RB1: variants seen among roughly 807,000 people sequenced by gnomAD.
The protein encoded by RB1 is retinoblastoma-associated protein.
A neutral mutation model predicts 135.4 loss-of-function variants in RB1; 18 were observed. The ratio of observed to expected loss-of-function variants is 0.13; its 90% CI spans 0.09 to 0.20. RB1 has a LOEUF of 0.20. Ranked by LOEUF, RB1 falls within the 10% of genes least tolerant of loss-of-function variation. The pLI is 1.00. For synonymous variants in RB1, 365 were observed against 373.2 expected, an observed-to-expected ratio of 0.98 and a Z score of 0.25; for missense variants, 868 against 1,110.0, an observed-to-expected ratio of 0.78 and a Z score of 3.10.
chr13:48,350,769 C>T (rs1487222555), intron 6 of RB1, among the ~76,000 whole-genome samples: 1 of 152,028 alleles, frequency 6.6e-6, no homozygotes, highest in Non-Finnish European at 1.5e-5. Context: ...CCTGTTGTTT[C>T]CATCTTTGTG....
At chr13:48,433,524 G>A (rs1156741646) in intron 17 of RB1, among the ~76,000 whole-genome samples, 2 of 152,004 alleles carry the variant, frequency 1.3e-5, no homozygotes, top group East Asian at 1.9e-4. Context: ...GAGAATTTCT[G>A]CCACTAAATA....
chr13:48,353,747 G>A (rs1314201569), intron 6 of RB1, among the ~76,000 whole-genome samples: 1 of 152,062 alleles, frequency 6.6e-6, no homozygotes, highest in African/African-American at 2.4e-5. Flanking sequence ...CATTCATTAT[G>A]TCGCAGTGGG....
intron 7 of RB1, among the ~76,000 whole-genome samples, chr13:48,361,025 A>G (rs999403803): frequency 6.6e-6 from 1 of 152,122 alleles, no homozygotes; most frequent in Non-Finnish European, 1.5e-5. Flanking sequence ...TGTGTTGAAC[A>G]TGGTTTGGCA....
chr13:48,395,797 G>GAA (rs1372876492), intron 17 of RB1, among the ~76,000 whole-genome samples: 1 of 152,094 alleles, frequency 6.6e-6, no homozygotes, highest in Non-Finnish European at 1.5e-5. Flanking sequence ...AACCAAGTTA[G>GAA]AAAACACTCT....
In RB1 at chr13:48,481,005, A is replaced by G. The variant is rs1949535338; in HGVS notation, c.*934A>G. ...AAGAATTAAGATACAAATTAATTTT[A>G]CTCCATAAACAGACTGTTAATTATA... is the stretch of plus-strand genomic sequence containing the variant. On this transcript the variant is annotated 3_prime_UTR_variant, in exon 27 of 27. Transcript: ENST00000267163. 4.4e-6 allele frequency: 1 copy of G among 228,860 alleles called. No homozygotes were observed. The highest frequency in any genetic ancestry group is 2.2e-5 in the African/African-American group (1 of 45,146). The allele number at this position is 228,860 out of a possible 1,614,324, so 14.2% of individuals were successfully genotyped here.
At chr13:48,444,120 C>G (rs953826392) in intron 17 of RB1, among the ~76,000 whole-genome samples, 1 of 152,124 alleles carries the variant, frequency 6.6e-6, no homozygotes, top group African/African-American at 2.4e-5. Flanking sequence ...CCTCATACCC[C>G]CAGACACCAT....
intron 17 of RB1, chr13:48,404,115 G>A (rs918787163): frequency 6.6e-6 from 1 of 152,226 alleles, no homozygotes; most frequent in Non-Finnish European, 1.5e-5. Flanking sequence ...GCCCCATGCT[G>A]TTGTGCAGTG....
intron 1 of RB1, among the ~76,000 whole-genome samples, chr13:48,305,147 G>C (rs1446568307): frequency 6.6e-6 from 1 of 152,170 alleles, no homozygotes; most frequent in South Asian, 2.1e-4. Flanking sequence ...AATGGGACTT[G>C]TTTCTGTTTT....
At chr13:48,320,788 C>G (rs2854350) in intron 2 of RB1, among the ~76,000 whole-genome samples, 140,997 of 151,490 alleles carry the variant, frequency 0.93, 66,089 homozygotes, top group East Asian at 1. Flanking sequence ...CTGAGATCGC[C>G]CCACTGCTCT....
At chr13:48,321,314 C>T (rs982567417) in intron 2 of RB1, among the ~76,000 whole-genome samples, 1 of 145,850 alleles carries the variant, frequency 6.9e-6, no homozygotes, top group African/African-American at 2.5e-5. Flanking sequence ...GCTTATTTCA[C>T]TTAGCATAAT....
At chr13:48,382,775 G>T (rs371275311) in intron 17 of RB1, among the ~76,000 whole-genome samples, 3 of 152,144 alleles carry the variant, frequency 2.0e-5, no homozygotes, top group East Asian at 1.9e-4. Context: ...TGCCCATGCC[G>T]ATGTCCTGAA....
intron 11 of RB1, among the ~76,000 whole-genome samples, chr13:48,372,019 A>T (rs1952763584): frequency 6.6e-6 from 1 of 152,136 alleles, no homozygotes; most frequent in Admixed American, 6.5e-5. Flanking sequence ...TGATGATTTG[A>T]GGTAGAACAG....
At chr13:48,378,420 A>C (rs1952849825) in intron 13 of RB1, among the ~76,000 whole-genome samples, 1 of 152,156 alleles carries the variant, frequency 6.6e-6, no homozygotes. Flanking sequence ...GCCTAGGCCT[A>C]CACAGGATCA....
intron 1 of RB1, among the ~76,000 whole-genome samples, chr13:48,305,634 T>A (rs1952074692): frequency 6.6e-6 from 1 of 150,928 alleles, no homozygotes; most frequent in South Asian, 2.1e-4. Context: ...ATATTTTAAG[T>A]AATGGAACTA....
At chr13:48,313,187 CTTCTT>C (rs796647593) in intron 2 of RB1, among the ~76,000 whole-genome samples, 21 of 152,006 alleles carry the variant, frequency 1.4e-4, no homozygotes, top group African/African-American at 4.6e-4. Context: ...TTGGAATACC[CTTCTT>C]TTTTCTTTTA....
At chr13:48,474,179 G>C (rs1949490006) in intron 24 of RB1, among the ~76,000 whole-genome samples, 1 of 151,972 alleles carries the variant, frequency 6.6e-6, no homozygotes, top group Non-Finnish European at 1.5e-5. Flanking sequence ...ATTGTTGAGG[G>C]GTTTTTATGG....
chr13:48,339,174 G>A (rs1952416620), intron 2 of RB1, among the ~76,000 whole-genome samples: 1 of 152,106 alleles, frequency 6.6e-6, no homozygotes. Context: ...ACTTCATGCT[G>A]GGAGAACCAC....
At chr13:48,381,146 A>G in intron 16 of RB1, 101 bp from the exon 17 acceptor site, 3 of 1,451,662 alleles carry the variant, frequency 2.1e-6, no homozygotes, top group Non-Finnish European at 2.7e-6. Flanking sequence ...AAAATGGTTT[A>G]ACCTTTCTAC....
chr13:48,447,636 G>A (rs1414013792), intron 17 of RB1, among the ~76,000 whole-genome samples: 18 of 151,946 alleles, frequency 1.2e-4, no homozygotes, highest in Admixed American at 1.2e-3. Flanking sequence ...TAGTATCTCT[G>A]CTCTACAGTT....
Sources: gnomAD v4.1 joint callset for allele counts (sites outside exome capture counted in the v4.1 genomes callset) on GRCh38, gnomAD v4.1.1 for gene constraint, MANE v1.5 for transcripts, NCBI Gene and HGNC (gene_info 2026-07-23, HGNC 2026-07-21) for gene names.